The following KANK1 variants were observed in gnomAD, a reference collection of about 807,000 sequenced individuals.
The protein encoded by KANK1 is KN motif and ankyrin repeat domains 1.
In KANK1, 109 loss-of-function variants were observed where a neutral mutation model predicts 106.2. That is an observed-to-expected ratio of 1.03 (90% CI 0.88 to 1.20). The LOEUF is 1.20. Ranked by LOEUF, KANK1 falls within the 50% of genes most tolerant of loss-of-function variation. The pLI is 0.00. For missense variants in KANK1, 2,399 were observed against 1,710.7 expected (o/e 1.40, Z -7.10); for synonymous variants, 873 against 652.2 (o/e 1.34, Z -5.16).
rs75049231 is a variant in KANK1 at position 730,387 on chromosome 9, T to C, written c.2896+139T>C. On this transcript the variant is annotated intron_variant, in intron 4 of 11. Coordinates refer to ENST00000382297, the MANE Select transcript of KANK1 (RefSeq NM_015158.5). ...TTATTTGGAAGGTAGGCCCAGAATA[T>C]CTTTAAATAAGGTTACCAAAGAGGC... is the stretch of plus-strand genomic sequence containing the variant. The C allele has an allele frequency of 3.3e-4, 309 of 934,756 alleles. 2 individuals are homozygous for C. In the East Asian group the frequency reaches 6.1e-3, roughly 19 times the overall value. The allele number at this position is 934,756 out of a possible 1,614,324, so 57.9% of individuals were successfully genotyped here.
chr9:580,076 T>G (rs1002350252), intron 1 of KANK1, among the ~76,000 whole-genome samples: 3 of 152,166 alleles, frequency 2.0e-5, no homozygotes, highest in African/African-American at 7.2e-5. Context: ...GTTTGTTCCT[T>G]CTGATGTTCG....
At chr9:548,422 T>A (rs1437616944) in intron 1 of KANK1, among the ~76,000 whole-genome samples, 1 of 152,210 alleles carries the variant, frequency 6.6e-6, no homozygotes, top group Admixed American at 6.5e-5. Flanking sequence ...GGTACTTACT[T>A]CTTTGGCTTT....
chr9:594,594 G>T (rs1417434774), intron 1 of KANK1, among the ~76,000 whole-genome samples: 5 of 151,844 alleles, frequency 3.3e-5, no homozygotes, highest in African/African-American at 1.2e-4. Context: ...GTTAATAAGT[G>T]TGAGATTGTT....
chr9:626,055 C>T lies in KANK1; in HGVS notation c.-83-50835C>T, dbSNP rs189579143. Reference sequence around the variant, plus strand: ...GCACTTGTTTTCTGACCTCAAGAGTCAGGAGAGGAGCTATCCCAGCTTCAA... The same window carrying T: ...GCACTTGTTTTCTGACCTCAAGAGTTAGGAGAGGAGCTATCCCAGCTTCAA... On this transcript the variant is annotated intron_variant, in intron 1 of 11. Transcript: ENST00000382297. Among the ~76,000 whole-genome samples, 446 of 152,226 alleles carry T rather than the reference C, an allele frequency of 2.9e-3. 1 individual carries two copies. The highest frequency in any genetic ancestry group is 0.011 in the African/African-American group (436 of 41,518).
chr9:518,581 A>G (rs1056173538), intron 1 of KANK1, among the ~76,000 whole-genome samples: 1 of 151,734 alleles, frequency 6.6e-6, no homozygotes, highest in African/African-American at 2.4e-5. Context: ...TTGGAAAGAA[A>G]TATTGATATT....
chr9:638,484 A>G (rs960030378), intron 1 of KANK1, among the ~76,000 whole-genome samples: 2 of 152,222 alleles, frequency 1.3e-5, no homozygotes, highest in Non-Finnish European at 2.9e-5. Context: ...CAGGATAAAC[A>G]TATAAACAGA....
At chr9:598,831 C>T (rs1826966955) in intron 1 of KANK1, among the ~76,000 whole-genome samples, 1 of 148,532 alleles carries the variant, frequency 6.7e-6, no homozygotes, top group Admixed American at 6.7e-5. Flanking sequence ...AGAGTCTTGA[C>T]GTGTTGGCCA....
At chr9:743,614 C>T (rs1836305729) in intron 10 of KANK1, among the ~76,000 whole-genome samples, 1 of 152,140 alleles carries the variant, frequency 6.6e-6, no homozygotes, top group Non-Finnish European at 1.5e-5. Context: ...CCTGTAATTC[C>T]AGCACCTTGG....
At chr9:485,582 A>G (rs1489756745) in intron 3 of KANK1, among the ~76,000 whole-genome samples, 1 of 152,210 alleles carries the variant, frequency 6.6e-6, no homozygotes, top group Non-Finnish European at 1.5e-5. Flanking sequence ...ACTGCTTAGT[A>G]AAGAGATAGG....
At chr9:741,074 C>T in intron 9 of KANK1, 140 bp downstream of exon 9, 1 of 826,784 alleles carries the variant, frequency 1.2e-6, no homozygotes, top group East Asian at 2.7e-5. Context: ...TGAGTCCATA[C>T]ACTGCCTGGC....
At chr9:562,273 C>A (rs939623901) in intron 1 of KANK1, among the ~76,000 whole-genome samples, 13 of 151,112 alleles carry the variant, frequency 8.6e-5, no homozygotes, top group African/African-American at 3.2e-4. Context: ...AGGATGGTCT[C>A]GATCTCCTGA....
chr9:608,009 C>T (rs9696777), intron 1 of KANK1, among the ~76,000 whole-genome samples: 37,165 of 141,220 alleles, frequency 0.26, 5,262 homozygotes, highest in Admixed American at 0.34. Context: ...AAAAAACTTT[C>T]AGAATTATTA....
intron 1 of KANK1, among the ~76,000 whole-genome samples, chr9:565,890 G>T (rs1817681238): frequency 6.6e-6 from 1 of 152,218 alleles, no homozygotes; most frequent in African/African-American, 2.4e-5. Flanking sequence ...AGGTTCAGGG[G>T]TGCATGTGCA....
chr9:699,521 C>T (rs897143314), intron 2 of KANK1, among the ~76,000 whole-genome samples: 2 of 152,166 alleles, frequency 1.3e-5, no homozygotes, highest in East Asian at 3.9e-4. Flanking sequence ...TAAAAAAGTC[C>T]AGATAAGATT....
At chr9:580,119 T>A (rs567370696) in intron 1 of KANK1, among the ~76,000 whole-genome samples, 2 of 152,272 alleles carry the variant, frequency 1.3e-5, no homozygotes, top group Non-Finnish European at 2.9e-5. Context: ...TCTGGTAGGT[T>A]CGTGGTCTCA....
rs376628831 is a variant in KANK1 at position 710,761 on chromosome 9, G to T, written c.38-43G>T. The T allele has an allele frequency of 2.0e-6, 3 of 1,515,502 alleles. No homozygotes were observed. In the African/African-American group the frequency reaches 4.2e-5, roughly 21 times the overall value. 93.9% of individuals were successfully genotyped at this position (1,515,502 alleles called of 1,614,324 possible). A position where few individuals can be genotyped will look rare whatever the true frequency, so the allele number is the denominator to read the frequency against. ...CACAAATATTAGTTTTTACCATTAG[G>T]TGTATTGCATGTCATTATAATATTC... On this transcript the variant is annotated intron_variant, in intron 2 of 11. Coordinates refer to ENST00000382297, the MANE Select transcript of KANK1 (RefSeq NM_015158.5).
chr9:597,493 C>G (rs201846067), intron 1 of KANK1, among the ~76,000 whole-genome samples: 1 of 151,432 alleles, frequency 6.6e-6, no homozygotes, highest in South Asian at 2.1e-4. Flanking sequence ...ACACATTGGC[C>G]ATTTGTATAT....
At chr9:480,908 C>T (rs575787426) in intron 3 of KANK1, among the ~76,000 whole-genome samples, 2 of 152,322 alleles carry the variant, frequency 1.3e-5, no homozygotes, top group East Asian at 3.9e-4. Flanking sequence ...CACCTAAAGA[C>T]ATTCAAATTT....
rs1564150859 is a variant in KANK1 at position 745,225 on chromosome 9, C to T, written c.4049C>T (p.Ser1350Leu). The T allele has an allele frequency of 1.2e-6, 2 of 1,614,116 alleles. No individual in the cohort carries two copies. Among genetic ancestry groups the T allele is most frequent in the African/African-American group, 2.7e-5 (2 of 75,040 alleles). Residue 1350 changes from serine to leucine, a missense_variant, in exon 12 of 12, where the codon TCA (serine) becomes TTA (leucine). Coordinates refer to ENST00000382297, the MANE Select transcript of KANK1 (RefSeq NM_015158.5). ...KTSPGPTHRG[S>L]FD ...TCTCCTGGCCCCACCCACCGAGGTTCATTTGATTGATTGTATGCAAATAGC... is the reference window on the plus strand; with the variant it reads ...TCTCCTGGCCCCACCCACCGAGGTTTATTTGATTGATTGTATGCAAATAGC...
Sources: gnomAD v4.1 joint callset for allele counts (sites outside exome capture counted in the v4.1 genomes callset) on GRCh38, gnomAD v4.1.1 for gene constraint, MANE v1.5 for transcripts, NCBI Gene and HGNC (gene_info 2026-07-23, HGNC 2026-07-21) for gene names.